KLK10: variants seen among roughly 807,000 people sequenced by gnomAD.
KLK10 encodes kallikrein related peptidase 10.
Under a neutral mutation model 25.7 loss-of-function variants are expected in KLK10, and 27 were observed. That is an observed-to-expected ratio of 1.05 (90% CI 0.77 to 1.45). The LOEUF (loss-of-function observed/expected upper bound fraction) is 1.45, where lower values mean the gene tolerates loss of function less well. KLK10 is among the 40% of genes most tolerant of loss of function. KLK10 has a pLI of 0.00. For synonymous variants in KLK10, 173 were observed against 160.1 expected (o/e 1.08, Z -0.61); for missense variants, 386 against 370.0 (o/e 1.04, Z -0.35).
rs551861776 is a variant in KLK10 at position 51,019,480 on chromosome 19, C to T, written c.-10+147G>A. On this transcript the variant is annotated intron_variant, in intron 1 of 5. Coordinates refer to ENST00000358789, the MANE Select transcript of KLK10 (RefSeq NM_145888.3). This position sits in a 1 kb window ranked among gnomAD's most constrained non-coding sequence, Gnocchi z 4.2. ...TCCGAGGCTCGGAGCCAGTGGGAGCCTCTTTCTCAACCTCACAGCGGGGGG... is the reference window on the plus strand; with the variant it reads ...TCCGAGGCTCGGAGCCAGTGGGAGCTTCTTTCTCAACCTCACAGCGGGGGG... 93 of 213,200 alleles carry T rather than the reference C, an allele frequency of 4.4e-4. No individual in the cohort carries two copies. The highest frequency in any genetic ancestry group is 7.9e-4 in the Non-Finnish European group (85 of 107,502). The allele number at this position is 213,200 out of a possible 1,614,324, so 13.2% of individuals were successfully genotyped here.
At chr19:51,015,663 C>T (rs576054576) in intron 4 of KLK10, 113 bp from the exon 5 acceptor site, 162 of 1,288,504 alleles carry the variant, frequency 1.3e-4, no homozygotes, top group Admixed American at 7.1e-4. Context: ...CTCCTTCAGA[C>T]TCAAGAATCC....
intron 5 of KLK10, 134 bp downstream of exon 5, chr19:51,015,283 A>G: frequency 1.1e-6 from 1 of 947,458 alleles, no homozygotes; most frequent in Middle Eastern, 3.4e-4. Flanking sequence ...GGAGGGGGTT[A>G]GGTCTGGGTA....
At chr19:51,017,398 A>G (rs1600141289) in intron 2 of KLK10, 108 bp from the exon 3 acceptor site, 2 of 985,870 alleles carry the variant, frequency 2.0e-6, no homozygotes, top group East Asian at 5.3e-5. Context: ...GGACGCAGCC[A>G]GAACGCGAGG....
Position 51,016,107 on chromosome 19 carries a change from C to G in KLK10, c.319G>C (p.Glu107Gln), listed in dbSNP as rs773945191. The change falls in exon 4 of 6, where the codon GAG (glutamate) becomes CAG (glutamine). Residue 107 changes from glutamate to glutamine, a missense_variant. Transcript: ENST00000358789. ...GDDHLLLLQG[E>Q]QLRRTTRSVV... ...GAGCGAGTGGTCCGGCGGAGCTGCT[C>G]TCCCTGAAGAAGCAGCAGGTGGTCA... The G allele has an allele frequency of 6.3e-7, 1 of 1,583,022 alleles. No individual in the cohort carries two copies. The highest frequency in any genetic ancestry group is 8.6e-7 in the Non-Finnish European group (1 of 1,164,800).
Position 51,014,938 on chromosome 19 carries a change from G to C in KLK10, c.693C>G (p.Gly231=). 6.2e-7 allele frequency: 1 copy of C among 1,613,574 alleles called. No individual in the cohort carries two copies. ...GGAGGGTCTCGTCACAGACCAGGGGGCCTCCAGAGTCACTCTGGGGGTGGC... is the reference window on the plus strand; with the variant it reads ...GGAGGGTCTCGTCACAGACCAGGGGCCCTCCAGAGTCACTCTGGGGGTGGC... The part of the protein sequence containing the change: ...GQDPCQSDSG[G]PLVCDETLQG... The change falls in exon 6 of 6, where the codon GGC becomes GGG. Residue 231 remains glycine (G), a synonymous_variant. Transcript: ENST00000358789.
Position 51,016,184 on chromosome 19 carries a change from C to T in KLK10, c.270-28G>A, listed in dbSNP as rs1000503355. On this transcript the variant is annotated intron_variant, in intron 3 of 5. Coordinates refer to ENST00000358789, the MANE Select transcript of KLK10 (RefSeq NM_145888.3). Reference sequence around the variant, plus strand: ...GGGGGAAGGAAGAGGCATGTGAAGGCAAACCCTTCATAGGGACTGGGAAAG... The same window carrying T: ...GGGGGAAGGAAGAGGCATGTGAAGGTAAACCCTTCATAGGGACTGGGAAAG... 17 of 1,535,450 alleles carry T rather than the reference C, an allele frequency of 1.1e-5. No individual in the cohort carries two copies. In the Admixed American group the frequency reaches 2.1e-4, roughly 19 times the overall value.
In KLK10 at chr19:51,019,469, C is replaced by T. The variant is rs1248035768; in HGVS notation, c.-10+158G>A. Among the ~76,000 whole-genome samples the T allele has an allele frequency of 6.6e-6, 1 of 152,160 alleles. No homozygotes were observed. The highest frequency in any genetic ancestry group is 1.5e-5 in the Non-Finnish European group (1 of 68,020). Reference sequence around the variant, plus strand: ...CGGGGTGGGGATCCGAGGCTCGGAGCCAGTGGGAGCCTCTTTCTCAACCTC... The same window carrying T: ...CGGGGTGGGGATCCGAGGCTCGGAGTCAGTGGGAGCCTCTTTCTCAACCTC... On this transcript the variant is annotated intron_variant, in intron 1 of 5. Transcript: ENST00000358789. This position sits in a 1 kb window ranked among gnomAD's most constrained non-coding sequence, Gnocchi z 4.2.
chr19:51,016,455 G>A (rs948873402), intron 3 of KLK10, among the ~76,000 whole-genome samples: 2 of 151,774 alleles, frequency 1.3e-5, no homozygotes, highest in African/African-American at 2.4e-5. Context: ...ATGCAATGGC[G>A]CAATCTCGGC....
chr19:51,015,312 G>T, intron 5 of KLK10, 105 bp downstream of exon 5: 1 of 1,311,930 alleles, frequency 7.6e-7, no homozygotes, highest in Non-Finnish European at 1.1e-6. Context: ...GGTCAAGGAT[G>T]GGTTTGGGAA....
intron 2 of KLK10, 138 bp from the exon 3 acceptor site, chr19:51,017,428 G>A: frequency 1.3e-6 from 1 of 744,060 alleles, no homozygotes; most frequent in Non-Finnish European, 2.1e-6. Flanking sequence ...AAATATTGGG[G>A]GTTTCGCGTG....
chr19:51,016,177 G>A, intron 3 of KLK10, 21 bp from the exon 4 acceptor site: 1 of 1,550,960 alleles, frequency 6.4e-7, no homozygotes, highest in Non-Finnish European at 8.7e-7. Flanking sequence ...GAAGAGGCAT[G>A]TGAAGGCAAA....
chr19:51,016,913 G>T (rs992750909), intron 3 of KLK10, among the ~76,000 whole-genome samples, 197 bp downstream of exon 3: 1 of 152,106 alleles, frequency 6.6e-6, no homozygotes, highest in Non-Finnish European at 1.5e-5. Context: ...GAGGAGTGAC[G>T]GGCCCAGAAA....
chr19:51,015,888 G>C lies in KLK10; in HGVS notation c.538C>G (p.Arg180Gly). 1 of 1,548,826 alleles carries C rather than the reference G, an allele frequency of 6.5e-7. No individual in the cohort carries two copies. The highest frequency in any genetic ancestry group is 8.7e-7 in the Non-Finnish European group (1 of 1,150,118). The change falls in exon 4 of 6, where the codon CGG becomes GGG. Residue 180 changes from arginine to glycine, a missense_variant. By Grantham distance (125) the Arg-to-Gly change is moderately radical. Transcript: ENST00000358789. ...TCAGAGCCCCAGCTCTTGCCTCTCCGGGCGGCCGTGGTGCCCCAGCCAGCA... is the reference window on the plus strand; with the variant it reads ...TCAGAGCCCCAGCTCTTGCCTCTCCCGGCGGCCGTGGTGCCCCAGCCAGCA... ...QVAGWGTTAA[R>G]RVKYNKGLTC...
At chr19:51,016,624 G>C (rs1353836748) in intron 3 of KLK10, among the ~76,000 whole-genome samples, 1 of 147,832 alleles carries the variant, frequency 6.8e-6, no homozygotes, top group Non-Finnish European at 1.5e-5. Context: ...TTTTAGTTGA[G>C]AAGTGGTTTC....
chr19:51,019,131 G>T lies in KLK10; in HGVS notation c.-1C>A. 1 of 1,608,030 alleles carries T rather than the reference G, an allele frequency of 6.2e-7. No homozygotes were observed. On this transcript the variant is annotated 5_prime_UTR_variant, in exon 2 of 6. Coordinates refer to ENST00000358789, the MANE Select transcript of KLK10 (RefSeq NM_145888.3). This position sits in a 1 kb window ranked among gnomAD's most constrained non-coding sequence, Gnocchi z 4.2. ...AGAGGTGGAGGTGCGGAGCTCTCAT[G>T]GCCAGGATCTGCTGGGGTGTGTGCA...
At position 51,015,945 on chromosome 19, in the gene KLK10, G is replaced by T; in HGVS notation, c.481C>A (p.Arg161Ser). Reference sequence around the variant, plus strand: ...CACTGGTCTCCGGGCTGAGCACAGCGGTAGGGAAGCTGCAGGGCCCGGACG... The same window carrying T: ...CACTGGTCTCCGGGCTGAGCACAGCTGTAGGGAAGCTGCAGGGCCCGGACG... The part of the protein sequence containing the change: ...PRVRALQLPY[R>S]CAQPGDQCQV... Residue 161 changes from arginine (R) to serine (S), a missense_variant, in exon 4 of 6, where the codon CGC (arginine) becomes AGC (serine). Transcript: ENST00000358789. 1 of 1,590,986 alleles carries T rather than the reference G, an allele frequency of 6.3e-7. No homozygotes were observed. Among genetic ancestry groups the T allele is most frequent in the Non-Finnish European group, 8.5e-7 (1 of 1,171,314 alleles).
At position 51,014,868 on chromosome 19, in the gene KLK10, G is replaced by A; in HGVS notation, c.763C>T (p.His255Tyr). Residue 255 changes from histidine to tyrosine, a missense_variant, in exon 6 of 6, where the codon CAT becomes TAT. Transcript: ENST00000358789. Reference sequence around the variant, plus strand: ...CAGATCTGGGTGTAGACAGCTGGATGCTGGGCAGAGCCACAGGGGTAAACA... The same window carrying A: ...CAGATCTGGGTGTAGACAGCTGGATACTGGGCAGAGCCACAGGGGTAAACA... ...WGVYPCGSAQ[H>Y]PAVYTQICKY... 6.2e-7 allele frequency: 1 copy of A among 1,614,044 alleles called. No homozygotes were observed. The highest frequency in any genetic ancestry group is 8.5e-7 in the Non-Finnish European group (1 of 1,179,920).
At position 51,014,617 on chromosome 19, in the gene KLK10, A is replaced by G. The variant is rs902356994; in HGVS notation, c.*183T>C. ...GCTTCAGTACAGGCAGAGAATGGGG[A>G]TAGGTGGGGGAATGAGGTGAGAGGG... On this transcript the variant is annotated 3_prime_UTR_variant, in exon 6 of 6. Coordinates refer to ENST00000358789, the MANE Select transcript of KLK10 (RefSeq NM_145888.3). 2 of 534,084 alleles carry G rather than the reference A, an allele frequency of 3.7e-6. No individual in the cohort carries two copies. The highest frequency in any genetic ancestry group is 6.6e-6 in the Non-Finnish European group (2 of 301,476). 33.1% of individuals were successfully genotyped at this position (534,084 alleles called of 1,614,324 possible).
rs1418765667 is a variant in KLK10 at position 51,015,745 on chromosome 19, C to A, written c.544+137G>T. On this transcript the variant is annotated intron_variant, in intron 4 of 5. Transcript: ENST00000358789. Reference sequence around the variant, plus strand: ...CCCCTCCTCCCCTCAGACTCACAGACCCAGGCATCTAGGACCCCAGCCCGT... The same window carrying A: ...CCCCTCCTCCCCTCAGACTCACAGAACCAGGCATCTAGGACCCCAGCCCGT... 4.6e-6 allele frequency: 5 copies of A among 1,098,744 alleles called. No individual in the cohort carries two copies. The African/African-American group carries it at 7.9e-5, about 17-fold the overall frequency. 68.1% of individuals were successfully genotyped at this position (1,098,744 alleles called of 1,614,324 possible). A position where few individuals can be genotyped will look rare whatever the true frequency, so the allele number is the denominator to read the frequency against.
Sources: allele counts gnomAD v4.1 joint callset (sites outside exome capture counted in the v4.1 genomes callset), GRCh38; gene constraint gnomAD v4.1.1; non-coding constraint Gnocchi (gnomAD v3.1); transcripts MANE v1.5; gene names NCBI Gene and HGNC (gene_info 2026-07-23, HGNC 2026-07-21).